The following ZMIZ1 variants were observed in gnomAD, a reference collection of about 807,000 sequenced individuals.
The protein encoded by ZMIZ1 is zinc finger MIZ domain-containing protein 1.
A neutral mutation model predicts 113.9 loss-of-function variants in ZMIZ1; 17 were observed. That is an observed-to-expected ratio of 0.15 (90% CI 0.10 to 0.22). ZMIZ1 has a LOEUF of 0.22. Ranked by LOEUF, ZMIZ1 falls within the 10% of genes least tolerant of loss-of-function variation. The pLI is 1.00. For synonymous variants in ZMIZ1, 607 were observed against 603.1 expected (o/e 1.01, Z -0.09); for missense variants, 1,059 against 1,477.8 (o/e 0.72, Z 4.65).
At chr10:79,241,567 G>C (rs963318204) in intron 7 of ZMIZ1, among the ~76,000 whole-genome samples, 2 of 152,018 alleles carry the variant, frequency 1.3e-5, no homozygotes, top group African/African-American at 4.8e-5. Context: ...TGTCCAAAAG[G>C]CTCAAGTTAT....
At chr10:79,275,658 G>C (rs1287538786) in intron 7 of ZMIZ1, among the ~76,000 whole-genome samples, 2 of 152,204 alleles carry the variant, frequency 1.3e-5, no homozygotes, top group Non-Finnish European at 2.9e-5. Context: ...AGAGGGGCTG[G>C]GGAGCTGTGA....
intron 7 of ZMIZ1, among the ~76,000 whole-genome samples, chr10:79,270,282 G>C (rs1196331353): frequency 6.6e-6 from 1 of 152,206 alleles, no homozygotes; most frequent in Non-Finnish European, 1.5e-5. Flanking sequence ...TGGGAAGCTG[G>C]CTCTTCCTCG....
rs774672762 is a variant in ZMIZ1, at chr10:79,217,683, C to T, written c.280+1409C>T. Among the ~76,000 whole-genome samples, 48 of 152,316 alleles carry T rather than the reference C, an allele frequency of 3.2e-4. 1 individual carries two copies. Among genetic ancestry groups the T allele is most frequent in the East Asian group, 1.7e-3 (9 of 5,186 alleles). ...AATCTGCTCAATTTATAATCTCTTGCGTGTGAGTTTGCGCCTCTTTCCATG... is the reference window on the plus strand; with the variant it reads ...AATCTGCTCAATTTATAATCTCTTGTGTGTGAGTTTGCGCCTCTTTCCATG... On this transcript the variant is annotated intron_variant, in intron 7 of 24. Transcript: ENST00000334512.
intron 18 of ZMIZ1, 95 bp from the exon 19 acceptor site, chr10:79,303,920 C>A: frequency 1.3e-6 from 2 of 1,530,050 alleles, no homozygotes; most frequent in Non-Finnish European, 8.9e-7. Context: ...CAGGACATGC[C>A]CCAGCTGCAC....
intron 7 of ZMIZ1, among the ~76,000 whole-genome samples, chr10:79,229,878 G>GC (rs1849327350): frequency 2.0e-5 from 3 of 152,116 alleles, no homozygotes; most frequent in Non-Finnish European, 2.9e-5. Flanking sequence ...GGACGGTGAG[G>GC]GGATAGTCAT....
intron 1 of ZMIZ1, among the ~76,000 whole-genome samples, chr10:79,090,253 C>G (rs1157084873): frequency 2.0e-5 from 3 of 152,188 alleles, no homozygotes; most frequent in Non-Finnish European, 2.9e-5. Flanking sequence ...TTGTGGTGCC[C>G]CTGAGCAGTG....
At chr10:79,281,122 TCA>T (rs1394548894) in intron 8 of ZMIZ1, among the ~76,000 whole-genome samples, 1 of 152,204 alleles carries the variant, frequency 6.6e-6, no homozygotes, top group Non-Finnish European at 1.5e-5. Context: ...ATTGTTCAGG[TCA>T]CAGAGTGCCA....
rs80200689 is a variant in ZMIZ1, at chr10:79,267,324, G to A, written c.281-9857G>A. 3.2e-3 allele frequency among the ~76,000 whole-genome samples: 482 copies of A among 152,324 alleles called. 1 individual carries two copies. The highest frequency in any genetic ancestry group is 0.011 in the African/African-American group (466 of 41,564). ...CATCTGCATGATTTTCTTGGAGATG[G>A]GTGAAAGAAATTGTATTTTATTTGA... On this transcript the variant is annotated intron_variant, in intron 7 of 24. Coordinates refer to ENST00000334512, the MANE Select transcript of ZMIZ1 (RefSeq NM_020338.4).
chr10:79,115,269 C>T (rs1843971329), intron 1 of ZMIZ1, among the ~76,000 whole-genome samples: 1 of 152,168 alleles, frequency 6.6e-6, no homozygotes, highest in Admixed American at 6.5e-5. Context: ...ACCCAGCTGC[C>T]CTTGTGGGCT....
chr10:79,161,015 C>G (rs1454948653), intron 3 of ZMIZ1, among the ~76,000 whole-genome samples: 1 of 152,226 alleles, frequency 6.6e-6, no homozygotes, highest in Non-Finnish European at 1.5e-5. Context: ...AGCCAGGCCT[C>G]TGGGTGTCAT....
intron 2 of ZMIZ1, among the ~76,000 whole-genome samples, chr10:79,126,179 C>T (rs1290673775): frequency 2.0e-5 from 3 of 152,202 alleles, no homozygotes; most frequent in Non-Finnish European, 4.4e-5. Context: ...CCAGTGAGGC[C>T]GGGATTTGTA....
At chr10:79,264,866 T>G (rs1323119523) in intron 7 of ZMIZ1, among the ~76,000 whole-genome samples, 1 of 152,222 alleles carries the variant, frequency 6.6e-6, no homozygotes, top group East Asian at 1.9e-4. Context: ...TCCCTTTCTG[T>G]GGACAACACC....
At chr10:79,091,284 C>T (rs943816744) in intron 1 of ZMIZ1, among the ~76,000 whole-genome samples, 5 of 152,042 alleles carry the variant, frequency 3.3e-5, no homozygotes, top group African/African-American at 1.2e-4. Context: ...TTTATGTGGG[C>T]AACTGCCTAT....
chr10:79,094,400 G>C (rs1305381634), intron 1 of ZMIZ1, among the ~76,000 whole-genome samples: 3 of 152,244 alleles, frequency 2.0e-5, no homozygotes, highest in African/African-American at 7.2e-5. Context: ...GAGGCTGCCA[G>C]ACAGTCTGCA....
chr10:79,255,804 C>G (rs976588629), intron 7 of ZMIZ1, among the ~76,000 whole-genome samples: 2 of 152,180 alleles, frequency 1.3e-5, no homozygotes, highest in Non-Finnish European at 2.9e-5. Flanking sequence ...AACAAGCCTG[C>G]TGGAAAACAA....
intron 2 of ZMIZ1, among the ~76,000 whole-genome samples, chr10:79,132,270 AAGTCCTG>A (rs1844803871): frequency 6.6e-6 from 1 of 152,154 alleles, no homozygotes; most frequent in Admixed American, 6.5e-5. Flanking sequence ...TGTCCACTCC[AAGTCCTG>A]AGTGCAGCAG....
At chr10:79,129,178 A>C (rs1322467294) in intron 2 of ZMIZ1, among the ~76,000 whole-genome samples, 2 of 152,220 alleles carry the variant, frequency 1.3e-5, no homozygotes, top group African/African-American at 4.8e-5. Context: ...CCTCCCAGCA[A>C]CCATACACAA....
chr10:79,104,955 GT>G, intron 1 of ZMIZ1, among the ~76,000 whole-genome samples: 1 of 86,262 alleles, frequency 1.2e-5, no homozygotes, highest in Non-Finnish European at 2.4e-5. Flanking sequence ...TGTGGGGTGT[GT>G]GTGTGTGTGT....
intron 3 of ZMIZ1, among the ~76,000 whole-genome samples, chr10:79,142,498 G>A (rs1845311435): frequency 6.6e-6 from 1 of 152,150 alleles, no homozygotes. Context: ...GAGTGGACAA[G>A]CAAGACTCTG....
Sources: allele counts gnomAD v4.1 joint callset (sites outside exome capture counted in the v4.1 genomes callset), GRCh38; gene constraint gnomAD v4.1.1; transcripts MANE v1.5; gene names NCBI Gene and HGNC (gene_info 2026-07-23, HGNC 2026-07-21).